The following PLIN3 variants were observed in gnomAD, a reference collection of about 807,000 sequenced individuals.
The protein encoded by PLIN3 is perilipin 3.
A neutral mutation model predicts 35.9 loss-of-function variants in PLIN3; 30 were observed. That is an observed-to-expected ratio of 0.84 (90% CI 0.62 to 1.13). The LOEUF (loss-of-function observed/expected upper bound fraction) is 1.13, where lower values mean the gene tolerates loss of function less well. Among genes scored for constraint, PLIN3 ranks in the 50% most tolerant of loss-of-function variants. The pLI is 0.00. For synonymous variants in PLIN3, 261 were observed against 262.5 expected, an observed-to-expected ratio of 0.99 and a Z score of 0.06; for missense variants, 603 against 596.9, an observed-to-expected ratio of 1.01 and a Z score of -0.11.
At chr19:4,852,429 CT>C in intron 4 of PLIN3, 128 bp from the exon 5 acceptor site, 1 of 1,145,110 alleles carries the variant, frequency 8.7e-7, no homozygotes, top group Non-Finnish European at 1.2e-6. Flanking sequence ...GCATCTCCGT[CT>C]TCCCTCTGTA....
At chr19:4,846,488 C>CAGG (rs2030101612) in intron 6 of PLIN3, among the ~76,000 whole-genome samples, 1 of 151,800 alleles carries the variant, frequency 6.6e-6, no homozygotes, top group Non-Finnish European at 1.5e-5. Context: ...CACTTGAGGT[C>CAGG]AGGAGTTTGA....
At chr19:4,841,421 G>C (rs1461502364) in intron 7 of PLIN3, among the ~76,000 whole-genome samples, 4 of 152,070 alleles carry the variant, frequency 2.6e-5, no homozygotes, top group Admixed American at 1.3e-4. Context: ...CCCATCCAGA[G>C]ACAGGAGGGG....
In PLIN3 at chr19:4,856,378, G is replaced by C. The variant is rs1033261222; in HGVS notation, c.348+3212C>G. On this transcript the variant is annotated intron_variant, in intron 4 of 7. Coordinates refer to ENST00000221957, the MANE Select transcript of PLIN3 (RefSeq NM_005817.5). ...GTTCGAGACCAGCCTGACCAACATG[G>C]AGAAACCCCATCTCTACTAAAAAGA... Among the ~76,000 whole-genome samples the C allele has an allele frequency of 2.0e-5, 3 of 151,976 alleles. No homozygotes were observed. In the South Asian group the frequency reaches 6.2e-4, roughly 31 times the overall value.
chr19:4,855,006 T>C (rs2030425714), intron 4 of PLIN3, among the ~76,000 whole-genome samples: 1 of 151,776 alleles, frequency 6.6e-6, no homozygotes, highest in Non-Finnish European at 1.5e-5. Flanking sequence ...TCCCAGCACT[T>C]TGGGAGGCCA....
At chr19:4,844,352 G>A (rs1224802593) in intron 7 of PLIN3, among the ~76,000 whole-genome samples, 1 of 152,082 alleles carries the variant, frequency 6.6e-6, no homozygotes, top group African/African-American at 2.4e-5. Flanking sequence ...TGTAATCCCA[G>A]CTACTAGGGA....
Position 4,839,107 on chromosome 19 carries a change from T to A in PLIN3, c.*85A>T, listed in dbSNP as rs1599153955. Reference sequence around the variant, plus strand: ...AGAGCTGGGAGGAGTGGCTAGAAAATAAGTTTGAAATGAGCCCCGGGTTGA... The same window carrying A: ...AGAGCTGGGAGGAGTGGCTAGAAAAAAAGTTTGAAATGAGCCCCGGGTTGA... On this transcript the variant is annotated 3_prime_UTR_variant, in exon 8 of 8. Coordinates refer to ENST00000221957, the MANE Select transcript of PLIN3 (RefSeq NM_005817.5). The A allele has an allele frequency of 8.9e-7, 1 of 1,127,780 alleles. No homozygotes were observed. 69.9% of individuals were successfully genotyped at this position (1,127,780 alleles called of 1,614,324 possible). A position where few individuals can be genotyped will look rare whatever the true frequency, so the allele number is the denominator to read the frequency against.
At position 4,838,901 on chromosome 19, in the gene PLIN3, A is replaced by G. The variant is rs1368074716; in HGVS notation, c.*291T>C. ...CGGCCTATATTCCTGATATTTAACA[A>G]GGAAAAAAAATTCTGCAGGGGAGAA... On this transcript the variant is annotated 3_prime_UTR_variant, in exon 8 of 8. Transcript: ENST00000221957. 1 of 262,852 alleles carries G rather than the reference A, an allele frequency of 3.8e-6. No homozygotes were observed. Among genetic ancestry groups the G allele is most frequent in the African/African-American group, 2.2e-5 (1 of 45,478 alleles). The allele number at this position is 262,852 out of a possible 1,614,324, so 16.3% of individuals were successfully genotyped here.
intron 2 of PLIN3, 51 bp downstream of exon 2, chr19:4,861,278 T>C (rs755191665): frequency 6.5e-7 from 1 of 1,533,982 alleles, no homozygotes. Context: ...GAAGCCTCCT[T>C]GCACGGGAAT....
chr19:4,857,497 G>T (rs1188692059), intron 4 of PLIN3, among the ~76,000 whole-genome samples: 4 of 151,996 alleles, frequency 2.6e-5, no homozygotes, highest in African/African-American at 9.7e-5. Flanking sequence ...GAGCCCAGGA[G>T]TTCAAGGCTG....
chr19:4,863,321 A>C (rs1412654828), intron 1 of PLIN3, among the ~76,000 whole-genome samples: 1 of 151,162 alleles, frequency 6.6e-6, no homozygotes, highest in Non-Finnish European at 1.5e-5. Context: ...AACATGGAGA[A>C]ACCCCATCTC....
chr19:4,839,374 T>C lies in PLIN3; in HGVS notation c.1123A>G (p.Ser375Gly). 6.2e-7 allele frequency: 1 copy of C among 1,613,368 alleles called. No individual in the cohort carries two copies. The highest frequency in any genetic ancestry group is 8.5e-7 in the Non-Finnish European group (1 of 1,179,420). Residue 375 changes from serine to glycine, a missense_variant, in exon 8 of 8, where the codon AGC (serine) becomes GGC (glycine). Ser to Gly is a moderately conservative substitution (Grantham distance 56). Coordinates refer to ENST00000221957, the MANE Select transcript of PLIN3 (RefSeq NM_005817.5). ...QVEDLQATFSSIHSFQDLSSS... is the reference protein window; with the variant it reads ...QVEDLQATFSGIHSFQDLSSS... ...GACAGGTCCTGGAAGGAGTGGATGC[T>C]GGAAAACGTGGCCTGGAGGTCCTCC...
chr19:4,846,516 T>C (rs1422901770), intron 6 of PLIN3, among the ~76,000 whole-genome samples: 2 of 150,866 alleles, frequency 1.3e-5, no homozygotes, highest in Admixed American at 1.3e-4. Flanking sequence ...CCGGCCAACA[T>C]AGTGAAACCC....
chr19:4,848,204 G>A (rs1007892261), intron 5 of PLIN3, among the ~76,000 whole-genome samples: 5 of 152,034 alleles, frequency 3.3e-5, no homozygotes, highest in Non-Finnish European at 5.9e-5. Flanking sequence ...GGCTGGTCTC[G>A]AACTCCTGAT....
chr19:4,839,555 A>T lies in PLIN3; in HGVS notation c.961-19T>A, dbSNP rs747019159. Reference sequence around the variant, plus strand: ...CGACCTGCTGAGAAGGGAGATGGGGACACCAATCAGGACCATTTGTTTCAG... The same window carrying T: ...CGACCTGCTGAGAAGGGAGATGGGGTCACCAATCAGGACCATTTGTTTCAG... On this transcript the variant is annotated intron_variant, in intron 7 of 7. Coordinates refer to ENST00000221957, the MANE Select transcript of PLIN3 (RefSeq NM_005817.5). The T allele has an allele frequency of 2.4e-5, 36 of 1,494,362 alleles. No homozygotes were observed. The highest frequency in any genetic ancestry group is 2.9e-5 in the Non-Finnish European group (32 of 1,117,912). The allele number at this position is 1,494,362 out of a possible 1,614,324, so 92.6% of individuals were successfully genotyped here. A position where few individuals can be genotyped will look rare whatever the true frequency, so the allele number is the denominator to read the frequency against.
intron 7 of PLIN3, 102 bp from the exon 8 acceptor site, chr19:4,839,638 C>T: frequency 1.2e-6 from 1 of 864,552 alleles, no homozygotes. Context: ...TACCACTGAC[C>T]TTGGGGCAAA....
chr19:4,847,802 G>C lies in PLIN3; in HGVS notation c.723C>G (p.Ser241=), dbSNP rs779375304. 3.9e-5 allele frequency: 63 copies of C among 1,613,686 alleles called. No homozygotes were observed. The highest frequency in any genetic ancestry group is 5.1e-5 in the Non-Finnish European group (60 of 1,179,952). ...CGTGCTGCCGCAGCCTCTCCGACAGGGAGCCCAGACGTACGAAGTAGCTCT... is the reference window on the plus strand; with the variant it reads ...CGTGCTGCCGCAGCCTCTCCGACAGCGAGCCCAGACGTACGAAGTAGCTCT... The part of the protein sequence containing the change: ...QEQSYFVRLG[S]LSERLRQHAY... The change falls in exon 6 of 8, where the codon TCC becomes TCG. Residue 241 remains serine (S), a synonymous_variant. Coordinates refer to ENST00000221957, the MANE Select transcript of PLIN3 (RefSeq NM_005817.5).
At chr19:4,844,641 GCCACC>G in intron 7 of PLIN3, 22 bp downstream of exon 7, 1 of 1,509,114 alleles carries the variant, frequency 6.6e-7, no homozygotes, top group Non-Finnish European at 8.9e-7. Context: ...AGTACCCTAG[GCCACC>G]CCCCAGTCCC....
intron 4 of PLIN3, among the ~76,000 whole-genome samples, chr19:4,857,026 A>G (rs894238927): frequency 7.2e-5 from 11 of 151,934 alleles, no homozygotes; most frequent in Admixed American, 1.3e-4. Flanking sequence ...TTTTCATCCC[A>G]GGCTGTTATA....
At chr19:4,856,054 C>A (rs2030464507) in intron 4 of PLIN3, among the ~76,000 whole-genome samples, 1 of 152,044 alleles carries the variant, frequency 6.6e-6, no homozygotes, top group Non-Finnish European at 1.5e-5. Flanking sequence ...ACAGTAGGCA[C>A]TCAATAGCAA....
Sources: allele counts gnomAD v4.1 joint callset (sites outside exome capture counted in the v4.1 genomes callset), GRCh38; gene constraint gnomAD v4.1.1; transcripts MANE v1.5; gene names NCBI Gene and HGNC (gene_info 2026-07-23, HGNC 2026-07-21).